PTPN3: variants seen among roughly 807,000 people sequenced by gnomAD.
PTPN3 encodes the protein protein tyrosine phosphatase non-receptor type 3, also known as tyrosine-protein phosphatase non-receptor type 3.
PTPN3 carries 96 observed loss-of-function variants against 132.7 expected under a neutral mutation model. The ratio of observed to expected loss-of-function variants is 0.72; its 90% CI spans 0.61 to 0.86. The LOEUF (loss-of-function observed/expected upper bound fraction) is 0.86, where lower values mean the gene tolerates loss of function less well. Ranked by LOEUF, PTPN3 falls within the 40% of genes least tolerant of loss-of-function variation. PTPN3 has a pLI of 0.00. For missense variants in PTPN3, 1,125 were observed against 1,159.6 expected (o/e 0.97, Z 0.43); for synonymous variants, 398 against 429.0 (o/e 0.93, Z 0.89).
chr9:109,472,468 G>A (rs772034861), intron 1 of PTPN3, among the ~76,000 whole-genome samples: 24 of 151,758 alleles, frequency 1.6e-4, no homozygotes, highest in Non-Finnish European at 2.6e-4. Flanking sequence ...ATTTTTTTGC[G>A]AACGTTCTTA....
At position 109,379,288 on chromosome 9, in the gene PTPN3, G is replaced by C; in HGVS notation, c.*268C>G. On this transcript the variant is annotated 3_prime_UTR_variant, in exon 26 of 26. Transcript: ENST00000374541. The stretch of plus-strand genomic sequence containing the variant: ...GGGTGTGTGTGGTGATGTTAGGGAA[G>C]AAGGCATTAGGACAGGCCCCAAACT... 2.4e-6 allele frequency: 1 copy of C among 420,662 alleles called. No homozygotes were observed. Among genetic ancestry groups the C allele is most frequent in the East Asian group, 4.3e-5 (1 of 23,020 alleles). 26.1% of individuals were successfully genotyped at this position (420,662 alleles called of 1,614,324 possible). A position where few individuals can be genotyped will look rare whatever the true frequency, so the allele number is the denominator to read the frequency against.
rs553610934 is a variant in PTPN3, at chr9:109,491,916, T to C, written c.-18+6303A>G. Among the ~76,000 whole-genome samples, 143 of 151,434 alleles carry C rather than the reference T, an allele frequency of 9.4e-4. 1 individual carries two copies. Among genetic ancestry groups the C allele is most frequent in the African/African-American group, 2.6e-3 (107 of 41,222 alleles). On this transcript the variant is annotated intron_variant, in intron 1 of 25. Transcript: ENST00000374541. ...GTCTTCATTTTGAGAAAAATAGGAGTGTATGGAAGACTCCCCCGTCTGTGG... is the reference window on the plus strand; with the variant it reads ...GTCTTCATTTTGAGAAAAATAGGAGCGTATGGAAGACTCCCCCGTCTGTGG...
At chr9:109,524,243 C>CA in the PTPN3 span, among the ~76,000 whole-genome samples, 1,373 of 149,946 alleles carry the variant, frequency 9.2e-3, 32 homozygotes, top group African/African-American at 0.032. Context: ...GACCTTGTCT[C>CA]AAAAAAAAAC....
chr9:109,516,488 A>T, the PTPN3 span, among the ~76,000 whole-genome samples: 1 of 152,144 alleles, frequency 6.6e-6, no homozygotes, highest in Non-Finnish European at 1.5e-5. Context: ...GAAGGTGAAC[A>T]AGCATATACA....
the PTPN3 span, among the ~76,000 whole-genome samples, chr9:109,529,968 T>C: frequency 6.6e-6 from 1 of 152,236 alleles, no homozygotes; most frequent in East Asian, 1.9e-4. Flanking sequence ...AGGCTGGTCT[T>C]GAACTCCTGG....
chr9:109,390,807 A>G (rs186527504), intron 21 of PTPN3, among the ~76,000 whole-genome samples: 19 of 152,236 alleles, frequency 1.2e-4, no homozygotes, highest in African/African-American at 4.3e-4. Context: ...ATGGAGAGAA[A>G]TAGACAGTTT....
chr9:109,396,725 G>A (rs1367154326), intron 19 of PTPN3, among the ~76,000 whole-genome samples: 2 of 152,210 alleles, frequency 1.3e-5, no homozygotes, highest in African/African-American at 4.8e-5. Context: ...AGTATCACCA[G>A]CTCTGGCCTC....
intron 9 of PTPN3, among the ~76,000 whole-genome samples, chr9:109,433,870 A>T (rs570502235): frequency 1.8e-4 from 24 of 134,624 alleles, no homozygotes; most frequent in African/African-American, 6.5e-4. Flanking sequence ...GTGAGCCGTG[A>T]TTGTGCCACC....
At chr9:109,457,881 C>T (rs1845646268) in intron 2 of PTPN3, among the ~76,000 whole-genome samples, 1 of 152,232 alleles carries the variant, frequency 6.6e-6, no homozygotes. Flanking sequence ...GCTAAAAATA[C>T]TCAACTGCCA....
intron 16 of PTPN3, among the ~76,000 whole-genome samples, 166 bp downstream of exon 16, chr9:109,409,833 T>C (rs1841936681): frequency 6.6e-6 from 1 of 151,718 alleles, no homozygotes; most frequent in Non-Finnish European, 1.5e-5. Flanking sequence ...AAACCCCAAA[T>C]ATCTCAAACC....
chr9:109,394,519 T>G (rs1046964633), intron 19 of PTPN3, among the ~76,000 whole-genome samples: 1 of 151,980 alleles, frequency 6.6e-6, no homozygotes, highest in Non-Finnish European at 1.5e-5. Context: ...CTCAGCTCAC[T>G]GCAACCTCTG....
chr9:109,479,916 A>T (rs188957929), intron 1 of PTPN3, among the ~76,000 whole-genome samples: 9 of 152,264 alleles, frequency 5.9e-5, no homozygotes, highest in Admixed American at 2.0e-4. Context: ...TTTTCTACAG[A>T]GGCTGCACCA....
At chr9:109,495,347 T>G (rs1847627147) in intron 1 of PTPN3, among the ~76,000 whole-genome samples, 1 of 152,206 alleles carries the variant, frequency 6.6e-6, no homozygotes, top group South Asian at 2.1e-4. Context: ...AAATTGCTGG[T>G]CTTTTCTCAA....
chr9:109,457,944 C>A (rs1167860105), intron 2 of PTPN3, among the ~76,000 whole-genome samples: 1 of 152,220 alleles, frequency 6.6e-6, no homozygotes, highest in Non-Finnish European at 1.5e-5. Flanking sequence ...GGATTATCTG[C>A]CTCCCTGCTT....
chr9:109,391,184 A>C lies in PTPN3; in HGVS notation c.2060T>G (p.Val687Gly). ...ATAATCTTCATTTCCCTGCAATAAT[A>C]CCCGGGTGGTGTCATCTGCGGGGAA... is the stretch of plus-strand genomic sequence containing the variant. ...KDVLPYDTTR[V>G]LLQGNEDYIN... Residue 687 changes from valine (V) to glycine (G), a missense_variant, in exon 21 of 26, where the codon GTA becomes GGA. By Grantham distance (109) the Val-to-Gly change is moderately radical (BLOSUM62 -3). Transcript: ENST00000374541. 2 of 1,613,166 alleles carry C rather than the reference A, an allele frequency of 1.2e-6. No individual in the cohort carries two copies. The highest frequency in any genetic ancestry group is 1.7e-6 in the Non-Finnish European group (2 of 1,179,472).
intron 14 of PTPN3, chr9:109,417,621 G>A (rs1564417062): frequency 2.0e-6 from 2 of 984,878 alleles, no homozygotes; most frequent in Non-Finnish European, 2.4e-6. Flanking sequence ...ACCCTCAGGA[G>A]GGCCAGCCTC....
At chr9:109,387,340 CCAAA>C (rs1422981176) in intron 22 of PTPN3, among the ~76,000 whole-genome samples, 7 of 152,328 alleles carry the variant, frequency 4.6e-5, no homozygotes, top group African/African-American at 7.2e-5. Flanking sequence ...GTGCATTTCA[CCAAA>C]CAGTGTGTTT....
chr9:109,487,144 G>T lies in PTPN3; in HGVS notation c.-18+11075C>A, dbSNP rs368368538. ...GAACCAGCTGAGTTTACCTGAAAAGGCCTGCAGGACAGTAAGATCAGAGGA... is the reference window on the plus strand; with the variant it reads ...GAACCAGCTGAGTTTACCTGAAAAGTCCTGCAGGACAGTAAGATCAGAGGA... On this transcript the variant is annotated intron_variant, in intron 1 of 25. Coordinates refer to ENST00000374541, the MANE Select transcript of PTPN3 (RefSeq NM_002829.4). Among the ~76,000 whole-genome samples the T allele has an allele frequency of 4.6e-5, 7 of 152,290 alleles. No homozygotes were observed. In the East Asian group the frequency reaches 1.2e-3, roughly 25 times the overall value.
chr9:109,483,295 C>T (rs1036501273), intron 1 of PTPN3, among the ~76,000 whole-genome samples: 5 of 152,194 alleles, frequency 3.3e-5, no homozygotes, highest in Admixed American at 6.5e-5. Flanking sequence ...CTGTCCACAG[C>T]GACAGGCTCC....
Sources: allele counts gnomAD v4.1 joint callset (sites outside exome capture counted in the v4.1 genomes callset), GRCh38; gene constraint gnomAD v4.1.1; transcripts MANE v1.5; gene names NCBI Gene and HGNC (gene_info 2026-07-23, HGNC 2026-07-21).